CYTL1: variants seen among roughly 807,000 people sequenced by gnomAD.
CYTL1 encodes the protein cytokine-like protein 1.
Under a neutral mutation model 13.1 loss-of-function variants are expected in CYTL1, and 17 were observed. The ratio of observed to expected loss-of-function variants is 1.29; its 90% CI spans 0.89 to 1.94. The LOEUF is 1.94. Ranked by LOEUF, CYTL1 falls within the 30% of genes most tolerant of loss-of-function variation. The probability of loss-of-function intolerance (pLI) is 0.00; values close to 1 mark genes in which losing one functional copy is unlikely to be tolerated. For missense variants in CYTL1, 213 were observed against 174.8 expected (o/e 1.22, Z -1.23); for synonymous variants, 91 against 79.4 (o/e 1.15, Z -0.78).
Position 5,019,368 on chromosome 4 carries a change from G to T in CYTL1, c.78C>A (p.Thr26=). ...GAPAARPTPP[T]CYSRMRALSQ... ...TCAGGGCCCGCATGCGGGAGTAGCA[G>T]GTCGGGGGAGTGGGCCGCGCGGCGG... The change falls in exon 1 of 4, where the codon ACC becomes ACA. Residue 26 remains threonine (T), a synonymous_variant. Coordinates refer to ENST00000307746, the MANE Select transcript of CYTL1 (RefSeq NM_018659.3). The T allele has an allele frequency of 6.6e-7, 1 of 1,516,698 alleles. No individual in the cohort carries two copies. The highest frequency in any genetic ancestry group is 8.8e-7 in the Non-Finnish European group (1 of 1,140,378). 94.0% of individuals were successfully genotyped at this position (1,516,698 alleles called of 1,614,324 possible).
Position 5,015,215 on chromosome 4 carries a change from T to A in CYTL1, c.347A>T (p.Asp116Val). Residue 116 changes from aspartate to valine, a missense_variant, in exon 4 of 4, where the codon GAT (aspartate) becomes GTT (valine). Asp to Val is a radical substitution (Grantham distance 152, BLOSUM62 -3). Coordinates refer to ENST00000307746, the MANE Select transcript of CYTL1 (RefSeq NM_018659.3). ...FCRRDLVFLLDDCNALEYPIP... is the reference protein window; with the variant it reads ...FCRRDLVFLLVDCNALEYPIP... ...TGGGTATTCCAAGGCATTGCAGTCATCCAACAGGAATACCAAATCCTGAAA... is the reference window on the plus strand; with the variant it reads ...TGGGTATTCCAAGGCATTGCAGTCAACCAACAGGAATACCAAATCCTGAAA... The A allele has an allele frequency of 6.2e-7, 1 of 1,613,454 alleles. No homozygotes were observed. Among genetic ancestry groups the A allele is most frequent in the Admixed American group, 1.7e-5 (1 of 59,976 alleles).
At position 5,014,826 on chromosome 4, in the gene CYTL1, T is replaced by C. The variant is rs1181228617; in HGVS notation, c.*325A>G. 6 of 308,466 alleles carry C rather than the reference T, an allele frequency of 1.9e-5. No individual in the cohort carries two copies. The highest frequency in any genetic ancestry group is 6.1e-6 in the Non-Finnish European group (1 of 164,312). 19.1% of individuals were successfully genotyped at this position (308,466 alleles called of 1,614,324 possible). A position where few individuals can be genotyped will look rare whatever the true frequency, so the allele number is the denominator to read the frequency against. Reference sequence around the variant, plus strand: ...TTAAACCAGTAATAAAAACATACTATTGTGCAAGTTCTCAAAATAGTTGTT... The same window carrying C: ...TTAAACCAGTAATAAAAACATACTACTGTGCAAGTTCTCAAAATAGTTGTT... On this transcript the variant is annotated 3_prime_UTR_variant, in exon 4 of 4. Coordinates refer to ENST00000307746, the MANE Select transcript of CYTL1 (RefSeq NM_018659.3).
At chr4:5,017,701 A>C (rs1741105269) in intron 1 of CYTL1, among the ~76,000 whole-genome samples, 1 of 151,724 alleles carries the variant, frequency 6.6e-6, no homozygotes, top group South Asian at 2.1e-4. Flanking sequence ...TAGACATTAT[A>C]TATACTTACA....
At position 5,019,373 on chromosome 4, in the gene CYTL1, G is replaced by T. The variant is rs755305656; in HGVS notation, c.73C>A (p.Pro25Thr). 27 of 1,515,200 alleles carry T rather than the reference G, an allele frequency of 1.8e-5. No homozygotes were observed. Among genetic ancestry groups the T allele is most frequent in the Non-Finnish European group, 2.4e-5 (27 of 1,139,678 alleles). 93.9% of individuals were successfully genotyped at this position (1,515,200 alleles called of 1,614,324 possible). A position where few individuals can be genotyped will look rare whatever the true frequency, so the allele number is the denominator to read the frequency against. ...GCCCGCATGCGGGAGTAGCAGGTCG[G>T]GGGAGTGGGCCGCGCGGCGGGGGCT... is the stretch of plus-strand genomic sequence containing the variant. The part of the protein sequence containing the change: ...AGAPAARPTP[P>T]TCYSRMRALS... Residue 25 changes from proline to threonine, a missense_variant, in exon 1 of 4, where the codon CCG becomes ACG. Coordinates refer to ENST00000307746, the MANE Select transcript of CYTL1 (RefSeq NM_018659.3).
chr4:5,015,143 C>G lies in CYTL1; in HGVS notation c.*8G>C, dbSNP rs1741042110. 1 of 1,612,874 alleles carries G rather than the reference C, an allele frequency of 6.2e-7. No homozygotes were observed. The highest frequency in any genetic ancestry group is 1.3e-5 in the African/African-American group (1 of 74,898). The stretch of plus-strand genomic sequence containing the variant: ...TTCTCTTGGGTTCTTTCTCTGGTCT[C>G]AGTTCCCTTAGCGCTGACGATCTGG... On this transcript the variant is annotated 3_prime_UTR_variant, in exon 4 of 4. Coordinates refer to ENST00000307746, the MANE Select transcript of CYTL1 (RefSeq NM_018659.3).
At position 5,014,745 on chromosome 4, in the gene CYTL1, C is replaced by A; in HGVS notation, c.*406G>T. On this transcript the variant is annotated 3_prime_UTR_variant, in exon 4 of 4. Coordinates refer to ENST00000307746, the MANE Select transcript of CYTL1 (RefSeq NM_018659.3). ...GTGTTAGAAAAAGGCATAATAGAAGCTTGGTTAAATGTAAGCAGGTTTCTA... is the reference window on the plus strand; with the variant it reads ...GTGTTAGAAAAAGGCATAATAGAAGATTGGTTAAATGTAAGCAGGTTTCTA... 5.4e-6 allele frequency: 1 copy of A among 184,230 alleles called. No individual in the cohort carries two copies. Among genetic ancestry groups the A allele is most frequent in the Non-Finnish European group, 1.1e-5 (1 of 90,236 alleles). 11.4% of individuals were successfully genotyped at this position (184,230 alleles called of 1,614,324 possible). A position where few individuals can be genotyped will look rare whatever the true frequency, so the allele number is the denominator to read the frequency against.
chr4:5,015,303 G>A (rs985901835), intron 3 of CYTL1, 69 bp from the exon 4 acceptor site: 2 of 1,233,928 alleles, frequency 1.6e-6, no homozygotes, highest in African/African-American at 3.0e-5. Flanking sequence ...CAACTGTAGG[G>A]CTCTTGGTTA....
intron 1 of CYTL1, 29 bp from the exon 2 acceptor site, chr4:5,017,208 T>G: frequency 6.2e-7 from 1 of 1,611,436 alleles, no homozygotes; most frequent in Non-Finnish European, 8.5e-7. Flanking sequence ...GGTTCTGGGA[T>G]GCCCACAGGG....
At chr4:5,018,083 G>A (rs1423369204) in intron 1 of CYTL1, among the ~76,000 whole-genome samples, 2 of 152,214 alleles carry the variant, frequency 1.3e-5, no homozygotes, top group African/African-American at 4.8e-5. Flanking sequence ...CAAGAAACTT[G>A]TGGGTAAATT....
chr4:5,016,602 G>T (rs1260710070), intron 3 of CYTL1, among the ~76,000 whole-genome samples: 1 of 152,108 alleles, frequency 6.6e-6, no homozygotes. Flanking sequence ...TGTGGTCCTG[G>T]GGTGTAGCCC....
intron 3 of CYTL1, 71 bp downstream of exon 3, chr4:5,016,760 ACTCTC>A: frequency 6.4e-7 from 1 of 1,567,392 alleles, no homozygotes; most frequent in South Asian, 1.1e-5. Context: ...TCTCCTCCCA[ACTCTC>A]CTCTTTGAAA....
intron 1 of CYTL1, among the ~76,000 whole-genome samples, chr4:5,018,447 G>T (rs145578743): frequency 7.1e-4 from 108 of 152,272 alleles, no homozygotes; most frequent in Admixed American, 2.0e-3. Context: ...TGTTAGCTAG[G>T]CTTTTGTAAA....
Position 5,014,933 on chromosome 4 carries a change from CATGAGT to C in CYTL1, c.*212_*217del. Reference sequence around the variant, plus strand: ...TGTGTATCTAACCATCCTGGCAAGACATGAGTCAAGGGAATGAGAAGCATGGTTGCT... The same window carrying C: ...TGTGTATCTAACCATCCTGGCAAGACCAAGGGAATGAGAAGCATGGTTGCT... On this transcript the variant is annotated 3_prime_UTR_variant, in exon 4 of 4. Transcript: ENST00000307746. The C allele has an allele frequency of 5.5e-6, 3 of 549,016 alleles. No individual in the cohort carries two copies. The highest frequency in any genetic ancestry group is 1.0e-3 in the Middle Eastern group (2 of 2,010). 34.0% of individuals were successfully genotyped at this position (549,016 alleles called of 1,614,324 possible).
At chr4:5,017,209 G>T (rs2108733587) in intron 1 of CYTL1, 30 bp from the exon 2 acceptor site, 4 of 1,609,534 alleles carry the variant, frequency 2.5e-6, no homozygotes, top group Non-Finnish European at 3.4e-6. Flanking sequence ...GTTCTGGGAT[G>T]CCCACAGGGG....
Position 5,015,161 on chromosome 4 carries a change from C to T in CYTL1, c.401G>A (p.Arg134His), listed in dbSNP as rs749759953. 27 of 1,613,714 alleles carry T rather than the reference C, an allele frequency of 1.7e-5. No homozygotes were observed. The highest frequency in any genetic ancestry group is 1.7e-4 in the Middle Eastern group (1 of 6,056). Residue 134 changes from arginine to histidine, a missense_variant, in exon 4 of 4, where the codon CGT becomes CAT. Arg to His is a conservative substitution (Grantham distance 29). Transcript: ENST00000307746. Reference sequence around the variant, plus strand: ...CTGGTCTCAGTTCCCTTAGCGCTGACGATCTGGCAGGACCGTAGTCACTGG... The same window carrying T: ...CTGGTCTCAGTTCCCTTAGCGCTGATGATCTGGCAGGACCGTAGTCACTGG... ...PIPVTTVLPD[R>H]QR
intron 1 of CYTL1, among the ~76,000 whole-genome samples, chr4:5,017,570 C>T (rs1467889173): frequency 1.3e-5 from 2 of 150,888 alleles, no homozygotes; most frequent in African/African-American, 4.9e-5. Context: ...AGTTCTATAA[C>T]TATTTAGTTA....
chr4:5,017,249 G>A, intron 1 of CYTL1, 70 bp from the exon 2 acceptor site: 1 of 1,511,138 alleles, frequency 6.6e-7, no homozygotes, highest in African/African-American at 1.4e-5. Context: ...CTCCCTAGTG[G>A]CCCTCTCAAC....
At chr4:5,018,166 CA>C (rs1473587317) in intron 1 of CYTL1, among the ~76,000 whole-genome samples, 1 of 152,150 alleles carries the variant, frequency 6.6e-6, no homozygotes, top group Non-Finnish European at 1.5e-5. Context: ...AAGTAAGTTG[CA>C]AAACTGCTTG....
intron 3 of CYTL1, 95 bp from the exon 4 acceptor site, chr4:5,015,329 C>T (rs1001954729): frequency 5.4e-6 from 5 of 928,694 alleles, no homozygotes; most frequent in Non-Finnish European, 8.4e-6. Flanking sequence ...AAAGGCCATT[C>T]AGTTGTTCCT....
Sources: gnomAD v4.1 joint callset for allele counts (sites outside exome capture counted in the v4.1 genomes callset) on GRCh38, gnomAD v4.1.1 for gene constraint, MANE v1.5 for transcripts, NCBI Gene and HGNC (gene_info 2026-07-23, HGNC 2026-07-21) for gene names.